The following GNRH2 variants were observed in gnomAD, a reference collection of about 807,000 sequenced individuals.
GNRH2 encodes the protein gonadotropin releasing hormone 2.
GNRH2 carries 15 observed loss-of-function variants against 12.1 expected under a neutral mutation model. The ratio of observed to expected loss-of-function variants is 1.24; its 90% CI spans 0.83 to 1.90. The LOEUF is 1.90. Among genes scored for constraint, GNRH2 ranks in the 40% most tolerant of loss-of-function variants. The pLI, the probability that GNRH2 is intolerant of heterozygous loss-of-function variation, is 0.00. For synonymous variants in GNRH2, 60 were observed against 62.0 expected (o/e 0.97, Z 0.15); for missense variants, 143 against 141.4 (o/e 1.01, Z -0.06).
At position 3,044,846 on chromosome 20, in the gene GNRH2, G is replaced by T; in HGVS notation, c.291+10G>T. 1 of 1,593,434 alleles carries T rather than the reference G, an allele frequency of 6.3e-7. No individual in the cohort carries two copies. The highest frequency in any genetic ancestry group is 8.6e-7 in the Non-Finnish European group (1 of 1,164,522). Reference sequence around the variant, plus strand: ...GGCACGGACACTGCTGGTGAGTAGGGTGAGAGGTCCCCAGCATCAAGACCA... The same window carrying T: ...GGCACGGACACTGCTGGTGAGTAGGTTGAGAGGTCCCCAGCATCAAGACCA... On this transcript the variant is annotated intron_variant, in intron 3 of 3. Coordinates refer to ENST00000359100, the MANE Select transcript of GNRH2 (RefSeq NM_178331.2).
Position 3,045,694 on chromosome 20 carries a change from C to A in GNRH2, c.300C>A (p.Ala100=). The change falls in exon 4 of 4, where the codon GCC becomes GCA. Residue 100 remains alanine (A), a synonymous_variant. Transcript: ENST00000359100. ...RHLARTLLTA[A]REPRPAPPSS... is the part of the protein sequence containing the mutation. ...CACCTCTCCCTCCGCAGACCGCAGC[C>A]CGAGAGCCCCGCCCCGCCCCGCCAT... 6.3e-7 allele frequency: 1 copy of A among 1,596,952 alleles called. No homozygotes were observed. The highest frequency in any genetic ancestry group is 1.1e-5 in the South Asian group (1 of 89,936).
chr20:3,043,811 A>G (rs894000580), intron 1 of GNRH2, 146 bp downstream of exon 1: 6 of 153,282 alleles, frequency 3.9e-5, no homozygotes, highest in African/African-American at 1.4e-4. Flanking sequence ...CCTCTCCCCA[A>G]CAGCTCTACC....
At position 3,043,650 on chromosome 20, in the gene GNRH2, C is replaced by T. The variant is rs985312090; in HGVS notation, c.-23C>T. ...CAGCTGCCTGAAGGAGCCATCTCAT[C>T]CACAGCTCTTCCTTGGTGAGTGGGG... On this transcript the variant is annotated 5_prime_UTR_variant, in exon 1 of 4. Coordinates refer to ENST00000359100, the MANE Select transcript of GNRH2 (RefSeq NM_178331.2). The T allele has an allele frequency of 6.6e-6, 1 of 152,440 alleles. No homozygotes were observed. The highest frequency in any genetic ancestry group is 2.4e-5 in the African/African-American group (1 of 41,418). 9.4% of individuals were successfully genotyped at this position (152,440 alleles called of 1,614,324 possible). A position where few individuals can be genotyped will look rare whatever the true frequency, so the allele number is the denominator to read the frequency against.
At chr20:3,043,826 A>G (rs2065958373) in intron 1 of GNRH2, among the ~76,000 whole-genome samples, 161 bp downstream of exon 1, 1 of 151,974 alleles carries the variant, frequency 6.6e-6, no homozygotes. Context: ...TCTACCATCT[A>G]TTCTTGTGCT....
chr20:3,045,699 A>AGCTCC lies in GNRH2; in HGVS notation c.307_308insTCCGC (p.Pro103LeufsTer?). ...CTCCCTCCGCAGACCGCAGCCCGAG[A>AGCTCC]GCCCCGCCCCGCCCCGCCATCCTCC... On this transcript the variant is annotated frameshift_variant, in exon 4 of 4. Coordinates refer to ENST00000359100, the MANE Select transcript of GNRH2 (RefSeq NM_178331.2). LOFTEE classifies it low-confidence loss of function (END_TRUNC). 6.3e-7 allele frequency: 1 copy of AGCTCC among 1,596,054 alleles called. No individual in the cohort carries two copies. The highest frequency in any genetic ancestry group is 8.6e-7 in the Non-Finnish European group (1 of 1,166,234).
chr20:3,045,739 T>G lies in GNRH2; in HGVS notation c.*3T>G, dbSNP rs756075006. The G allele has an allele frequency of 6.2e-7, 1 of 1,605,138 alleles. No homozygotes were observed. Among genetic ancestry groups the G allele is most frequent in the Non-Finnish European group, 8.5e-7 (1 of 1,172,444 alleles). On this transcript the variant is annotated 3_prime_UTR_variant, in exon 4 of 4. Coordinates refer to ENST00000359100, the MANE Select transcript of GNRH2 (RefSeq NM_178331.2). ...CGCCATCCTCCAATAAAGTGTGAGG[T>G]TCTCCGAAGCTGTTGCGTCGAGTTC... is the stretch of plus-strand genomic sequence containing the variant.
chr20:3,045,715 G>GCCCCC lies in GNRH2; in HGVS notation c.323_324insCCCCC (p.Ser109ProfsTer?), dbSNP rs1555816322. The GCCCCC allele has an allele frequency of 6.4e-7, 1 of 1,568,004 alleles. No individual in the cohort carries two copies. Among genetic ancestry groups the GCCCCC allele is most frequent in the Non-Finnish European group, 8.8e-7 (1 of 1,140,246 alleles). ...CAGCCCGAGAGCCCCGCCCCGCCCC[G>GCCCCC]CCATCCTCCAATAAAGTGTGAGGTT... On this transcript the variant is annotated frameshift_variant, in exon 4 of 4. Coordinates refer to ENST00000359100, the MANE Select transcript of GNRH2 (RefSeq NM_178331.2). LOFTEE classifies it high-confidence loss of function.
intron 1 of GNRH2, chr20:3,044,163 G>A: frequency 2.0e-6 from 1 of 495,244 alleles, no homozygotes; most frequent in South Asian, 3.2e-5. Context: ...GGCAAGGCAG[G>A]TAGCCTCTGT....
intron 3 of GNRH2, among the ~76,000 whole-genome samples, chr20:3,045,352 A>C (rs916466090): frequency 6.6e-6 from 1 of 152,222 alleles, no homozygotes; most frequent in Non-Finnish European, 1.5e-5. Context: ...CTGTTTTGCA[A>C]ATCAAACATT....
chr20:3,044,409 G>A lies in GNRH2; in HGVS notation c.-6G>A, dbSNP rs1419138153. The A allele has an allele frequency of 3.1e-6, 5 of 1,612,638 alleles. No individual in the cohort carries two copies. In the African/African-American group the frequency reaches 5.3e-5, roughly 17 times the overall value. ...TGAATGCTGTACCCTGTCCATTAGAGCAGCCATGGCCAGCTCCAGGCGAGG... is the reference window on the plus strand; with the variant it reads ...TGAATGCTGTACCCTGTCCATTAGAACAGCCATGGCCAGCTCCAGGCGAGG... On this transcript the variant is annotated splice_region_variant and 5_prime_UTR_variant, in exon 2 of 4. Transcript: ENST00000359100.
chr20:3,045,568 G>C (rs1043247646), intron 3 of GNRH2, 118 bp from the exon 4 acceptor site: 2 of 820,642 alleles, frequency 2.4e-6, no homozygotes, highest in African/African-American at 3.3e-5. Flanking sequence ...GGGGCGTCCT[G>C]CTGTGGGAGG....
At chr20:3,045,610 G>C in intron 3 of GNRH2, 76 bp from the exon 4 acceptor site, 1 of 1,270,576 alleles carries the variant, frequency 7.9e-7, no homozygotes. Context: ...CGAGAGGGGA[G>C]AGAACCAGGA....
At chr20:3,044,387 A>G (rs779390771) in intron 1 of GNRH2, 21 bp from the exon 2 acceptor site, 1 of 1,607,676 alleles carries the variant, frequency 6.2e-7, no homozygotes, top group South Asian at 1.1e-5. Flanking sequence ...GTCTCCTTGA[A>G]TGCTGTACCC....
In GNRH2 at chr20:3,045,729, A is replaced by C. The variant is rs750296533; in HGVS notation, c.335A>C (p.Lys112Thr). The C allele has an allele frequency of 2.5e-6, 4 of 1,592,320 alleles. No individual in the cohort carries two copies. Among genetic ancestry groups the C allele is most frequent in the Non-Finnish European group, 3.4e-6 (4 of 1,162,010 alleles). Residue 112 changes from lysine (K) to threonine (T), a missense_variant, in exon 4 of 4, where the codon AAA becomes ACA. By Grantham distance (78) the Lys-to-Thr change is moderately conservative. Transcript: ENST00000359100. Reference protein sequence around the residue: ...EPRPAPPSSNKV With the variant: ...EPRPAPPSSNTV ...CGCCCCGCCCCGCCATCCTCCAATA[A>C]AGTGTGAGGTTCTCCGAAGCTGTTG...
At position 3,044,466 on chromosome 20, in the gene GNRH2, C is replaced by CT. The variant is rs770719862; in HGVS notation, c.54dup (p.Gly19TrpfsTer31). ...GCTCCTGCTGCTGCTGACTGCCCAC[C>CT]TTGGACCCTCAGAGGCTCAGCACTG... On this transcript the variant is annotated frameshift_variant, in exon 2 of 4. Transcript: ENST00000359100. LOFTEE classifies it high-confidence loss of function. The CT allele has an allele frequency of 6.2e-7, 1 of 1,613,514 alleles. No individual in the cohort carries two copies. Among genetic ancestry groups the CT allele is most frequent in the Non-Finnish European group, 8.5e-7 (1 of 1,179,672 alleles).
chr20:3,045,258 T>G (rs774335926), intron 3 of GNRH2, among the ~76,000 whole-genome samples: 1 of 152,116 alleles, frequency 6.6e-6, no homozygotes, highest in Non-Finnish European at 1.5e-5. Context: ...AGGTGGTGAC[T>G]GACATGTGCA....
rs368671021 is a variant in GNRH2, at chr20:3,044,712, T to C, written c.167T>C (p.Val56Ala). The C allele has an allele frequency of 1.3e-4, 203 of 1,610,686 alleles. 1 individual carries two copies. Among genetic ancestry groups the C allele is most frequent in the Non-Finnish European group, 1.6e-4 (188 of 1,178,410 alleles). Residue 56 changes from valine (V) to alanine (A), a missense_variant, in exon 3 of 4, where the codon GTC (valine) becomes GCC (alanine). Physicochemically the swap from Val to Ala is moderately conservative, Grantham distance 64. Coordinates refer to ENST00000359100, the MANE Select transcript of GNRH2 (RefSeq NM_178331.2). The part of the protein sequence containing the change: ...NALRPPAGSP[V>A]QTAHGLPSDA... Reference sequence around the variant, plus strand: ...CTGGACACTGCAGCAGGCAGCCCAGTCCAGACTGCCCATGGCCTCCCAAGT... The same window carrying C: ...CTGGACACTGCAGCAGGCAGCCCAGCCCAGACTGCCCATGGCCTCCCAAGT...
At position 3,045,360 on chromosome 20, in the gene GNRH2, A is replaced by G. The variant is rs2065977796; in HGVS notation, c.292-326A>G. 2.6e-5 allele frequency among the ~76,000 whole-genome samples: 4 copies of G among 152,218 alleles called. No individual in the cohort carries two copies. The South Asian group carries it at 8.3e-4, about 31-fold the overall frequency. On this transcript the variant is annotated intron_variant, in intron 3 of 3. Coordinates refer to ENST00000359100, the MANE Select transcript of GNRH2 (RefSeq NM_178331.2). ...TTTGCTACTGTTTTGCAAATCAAAC[A>G]TTTACAGTGCATCAGGAGAGCCCGG...
rs1445376873 is a variant in GNRH2, at chr20:3,044,390, C to A, written c.-7-18C>A. Reference sequence around the variant, plus strand: ...GGGGTGAGGTAAGTCTCCTTGAATGCTGTACCCTGTCCATTAGAGCAGCCA... The same window carrying A: ...GGGGTGAGGTAAGTCTCCTTGAATGATGTACCCTGTCCATTAGAGCAGCCA... On this transcript the variant is annotated intron_variant, in intron 1 of 3. Transcript: ENST00000359100. 4 of 1,608,876 alleles carry A rather than the reference C, an allele frequency of 2.5e-6. No individual in the cohort carries two copies. The South Asian group carries it at 3.3e-5, about 13-fold the overall frequency.
Sources: allele counts gnomAD v4.1 joint callset (sites outside exome capture counted in the v4.1 genomes callset), GRCh38; gene constraint gnomAD v4.1.1; transcripts MANE v1.5; gene names NCBI Gene and HGNC (gene_info 2026-07-23, HGNC 2026-07-21).